Variants in PHYKPL observed in about 807,000 individuals in gnomAD.
PHYKPL encodes 5-phosphohydroxy-L-lysine phospho-lyase, also known as 5-phosphonooxy-L-lysine phospho-lyase.
In PHYKPL, 42 loss-of-function variants were observed where a neutral mutation model predicts 51.3. That is an observed-to-expected ratio of 0.82 (90% CI 0.64 to 1.06). The LOEUF is 1.06. Among genes scored for constraint, PHYKPL ranks in the 50% least tolerant of loss-of-function variants. The pLI is 0.00. For synonymous variants in PHYKPL, 264 were observed against 236.0 expected, an observed-to-expected ratio of 1.12 and a Z score of -1.09; for missense variants, 655 against 586.6, an observed-to-expected ratio of 1.12 and a Z score of -1.20.
intron 10 of PHYKPL, among the ~76,000 whole-genome samples, chr5:178,213,742 C>A (rs1282754034): frequency 2.0e-5 from 3 of 152,138 alleles, no homozygotes; most frequent in Admixed American, 6.5e-5. Flanking sequence ...ATTTTTATTT[C>A]TTGGGGGTGG....
downstream of PHYKPL, among the ~76,000 whole-genome samples, chr5:178,207,822 CCT>C (rs1351112598): frequency 6.6e-6 from 1 of 151,440 alleles, no homozygotes; most frequent in Non-Finnish European, 1.5e-5. Context: ...CCCATCTCAG[CCT>C]CTCGAGTAGC....
At chr5:178,223,001 C>G (rs1296034243) in intron 6 of PHYKPL, 67 bp from the exon 7 acceptor site, 1 of 1,480,686 alleles carries the variant, frequency 6.8e-7, no homozygotes, top group South Asian at 1.2e-5. Context: ...GCGTGCCCTG[C>G]TAGTGCTGGC....
chr5:178,217,558 GAAAA>G (rs869086983), intron 8 of PHYKPL, among the ~76,000 whole-genome samples: 1 of 123,804 alleles, frequency 8.1e-6, no homozygotes, highest in African/African-American at 3.0e-5. Context: ...AAGAATCAGT[GAAAA>G]AAAAAAAAAA....
downstream of PHYKPL, among the ~76,000 whole-genome samples, chr5:178,207,963 T>C (rs1210122558): frequency 6.6e-6 from 1 of 152,132 alleles, no homozygotes; most frequent in Non-Finnish European, 1.5e-5. Context: ...AGGCATGAAC[T>C]GCCTCACTTG....
chr5:178,220,174 G>C (rs1218407654), intron 8 of PHYKPL, among the ~76,000 whole-genome samples: 2 of 121,832 alleles, frequency 1.6e-5, no homozygotes, highest in African/African-American at 3.3e-5. Flanking sequence ...CAGCCTGGGT[G>C]ACAGAGTGAG....
chr5:178,210,003 C>G, intron 12 of PHYKPL: 1 of 1,319,936 alleles, frequency 7.6e-7, no homozygotes, highest in South Asian at 1.4e-5. Flanking sequence ...TACACCAGAA[C>G]AGCAGCCCCT....
At chr5:178,211,823 G>T in intron 12 of PHYKPL, 67 bp downstream of exon 12, 1 of 1,153,678 alleles carries the variant, frequency 8.7e-7, no homozygotes, top group Non-Finnish European at 1.3e-6. Context: ...GCTTGCCGAG[G>T]CTGCTTGCTG....
At chr5:178,223,189 A>G (rs1482293030) in intron 6 of PHYKPL, 1 of 485,116 alleles carries the variant, frequency 2.1e-6, no homozygotes, top group Non-Finnish European at 3.8e-6. Flanking sequence ...TTTTTCCACC[A>G]TAAGCCAGTT....
chr5:178,232,672 C>T lies in PHYKPL; in HGVS notation c.-122G>A, dbSNP rs1763775102. On this transcript the variant is annotated 5_prime_UTR_variant, in exon 1 of 13. Coordinates refer to ENST00000308158, the MANE Select transcript of PHYKPL (RefSeq NM_153373.4). ...GGTCGGGATTTGGGGCTCAGGTTCG[C>T]ACTCGGCCCCGCCCCGAAGCGCCCG... The T allele has an allele frequency of 9.1e-7, 1 of 1,102,426 alleles. No homozygotes were observed. Among genetic ancestry groups the T allele is most frequent in the African/African-American group, 1.6e-5 (1 of 60,980 alleles). 68.3% of individuals were successfully genotyped at this position (1,102,426 alleles called of 1,614,324 possible). A position where few individuals can be genotyped will look rare whatever the true frequency, so the allele number is the denominator to read the frequency against.
chr5:178,210,102 A>G (rs910716438), intron 12 of PHYKPL: 7 of 1,611,568 alleles, frequency 4.3e-6, no homozygotes, highest in Non-Finnish European at 5.9e-6. Context: ...TAAATGGTCC[A>G]CGGGCCCCTG....
Position 178,224,636 on chromosome 5 carries a change from G to A in PHYKPL, c.501+6C>T. 1 of 1,614,126 alleles carries A rather than the reference G, an allele frequency of 6.2e-7. No individual in the cohort carries two copies. The highest frequency in any genetic ancestry group is 2.2e-5 in the East Asian group (1 of 44,894). ...CCGACCTGTTGTTGAGTTGGGCAGT[G>A]CATACCACGTGGACCCACTCCTTCT... On this transcript the variant is annotated splice_donor_region_variant and intron_variant, in intron 5 of 12. Coordinates refer to ENST00000308158, the MANE Select transcript of PHYKPL (RefSeq NM_153373.4).
At chr5:178,212,069 G>T in intron 11 of PHYKPL, 99 bp from the exon 12 acceptor site, 1 of 1,322,096 alleles carries the variant, frequency 7.6e-7, no homozygotes, top group Non-Finnish European at 1.1e-6. Flanking sequence ...TTTAGAGATT[G>T]GGCCCTCTGG....
At chr5:178,223,797 C>CT in intron 6 of PHYKPL, 1 of 289,142 alleles carries the variant, frequency 3.5e-6, no homozygotes, top group Non-Finnish European at 6.8e-6. Context: ...CCGTAGGTAA[C>CT]ACACCTCTCT....
At chr5:178,228,680 A>G (rs1442240686) in intron 3 of PHYKPL, 5 of 693,552 alleles carry the variant, frequency 7.2e-6, no homozygotes, top group Admixed American at 2.0e-5. Flanking sequence ...AATCATCACT[A>G]TAATTCAACG....
intron 12 of PHYKPL, chr5:178,209,587 G>A (rs900238218): frequency 1.1e-5 from 8 of 704,680 alleles, no homozygotes; most frequent in East Asian, 2.7e-5. Context: ...GAATAGGAAC[G>A]GCTCTGGGTC....
At chr5:178,223,762 G>C (rs889620191) in intron 6 of PHYKPL, 2 of 316,760 alleles carry the variant, frequency 6.3e-6, no homozygotes, top group South Asian at 4.9e-5. Context: ...CTCACCTGTC[G>C]CCAACAGTCT....
intron 2 of PHYKPL, 120 bp downstream of exon 2, chr5:178,231,285 G>A (rs1360488977): frequency 2.0e-6 from 3 of 1,505,798 alleles, no homozygotes; most frequent in South Asian, 2.4e-5. Flanking sequence ...TCTGCATACT[G>A]ACAGTGCCTC....
intron 8 of PHYKPL, chr5:178,216,328 C>T (rs1759779902): frequency 6.6e-6 from 1 of 152,172 alleles, no homozygotes; most frequent in Admixed American, 6.5e-5. Flanking sequence ...GCCCTAAGCT[C>T]TCACCACTGG....
chr5:178,228,252 A>C, intron 3 of PHYKPL: 1 of 444,154 alleles, frequency 2.3e-6, no homozygotes, highest in Admixed American at 3.8e-5. Flanking sequence ...GGAACAGAGG[A>C]GGAATCAGCA....
Sources: gnomAD v4.1 joint callset for allele counts (sites outside exome capture counted in the v4.1 genomes callset) on GRCh38, gnomAD v4.1.1 for gene constraint, MANE v1.5 for transcripts, NCBI Gene and HGNC (gene_info 2026-07-23, HGNC 2026-07-21) for gene names.